TAFA1: variants seen among roughly 807,000 people sequenced by gnomAD.
TAFA1 encodes chemokine-like protein TAFA-1.
TAFA1 carries 4 observed loss-of-function variants against 18.5 expected under a neutral mutation model. The ratio of observed to expected loss-of-function variants is 0.22; its 90% CI spans 0.11 to 0.49. The LOEUF is 0.49. Ranked by LOEUF, TAFA1 falls within the 20% of genes least tolerant of loss-of-function variation. TAFA1 has a pLI of 0.98. For missense variants in TAFA1, 147 were observed against 169.0 expected (o/e 0.87, Z 0.72); for synonymous variants, 56 against 55.2 (o/e 1.01, Z -0.06).
intron 4 of TAFA1, among the ~76,000 whole-genome samples, chr3:68,540,246 A>G (rs749482464): frequency 5.3e-5 from 8 of 151,996 alleles, no homozygotes; most frequent in East Asian, 1.9e-4. Context: ...ATGGCTATAC[A>G]TTTCCGGCTT....
At chr3:68,317,731 A>AG (rs919611513) in intron 2 of TAFA1, among the ~76,000 whole-genome samples, 1 of 152,216 alleles carries the variant, frequency 6.6e-6, no homozygotes, top group African/African-American at 2.4e-5. Context: ...TTCAAAAAGT[A>AG]GGGGGGAAAG....
At chr3:68,096,673 CCTGTACT>C (rs2065090892) in intron 2 of TAFA1, among the ~76,000 whole-genome samples, 2 of 152,060 alleles carry the variant, frequency 1.3e-5, no homozygotes, top group South Asian at 4.1e-4. Flanking sequence ...GACAACAAAG[CCTGTACT>C]CTTAAATTAC....
intron 2 of TAFA1, among the ~76,000 whole-genome samples, chr3:68,156,946 G>A (rs989271635): frequency 9.9e-5 from 15 of 152,080 alleles, no homozygotes; most frequent in African/African-American, 1.7e-4. Context: ...TAATTCTGTC[G>A]CCAATAACCA....
At chr3:68,078,971 T>C (rs2064861687) in intron 2 of TAFA1, among the ~76,000 whole-genome samples, 2 of 152,330 alleles carry the variant, frequency 1.3e-5, no homozygotes, top group South Asian at 4.1e-4. Flanking sequence ...AGCTATTGAT[T>C]GTTGCCACAA....
chr3:68,049,651 AG>A (rs2064441128), intron 2 of TAFA1, among the ~76,000 whole-genome samples: 1 of 151,736 alleles, frequency 6.6e-6, no homozygotes, highest in Non-Finnish European at 1.5e-5. Context: ...GTGGAGCACA[AG>A]CAAAGGAGGT....
At chr3:68,161,086 T>C (rs1419289677) in intron 2 of TAFA1, among the ~76,000 whole-genome samples, 1 of 152,232 alleles carries the variant, frequency 6.6e-6, no homozygotes, top group Non-Finnish European at 1.5e-5. Flanking sequence ...ACTATACATA[T>C]ATGTAATGTT....
At chr3:68,094,388 T>C (rs1051090608) in intron 2 of TAFA1, among the ~76,000 whole-genome samples, 1 of 152,130 alleles carries the variant, frequency 6.6e-6, no homozygotes, top group African/African-American at 2.4e-5. Flanking sequence ...GCAGGGCTCT[T>C]AGTCTATTAT....
intron 2 of TAFA1, among the ~76,000 whole-genome samples, chr3:68,328,137 C>A (rs900848442): frequency 1.3e-5 from 2 of 152,094 alleles, no homozygotes; most frequent in South Asian, 2.1e-4. Context: ...TCATTTTTCT[C>A]ATTTTGCAAA....
At chr3:68,344,123 G>A (rs187705622) in intron 2 of TAFA1, among the ~76,000 whole-genome samples, 6 of 152,254 alleles carry the variant, frequency 3.9e-5, no homozygotes, top group East Asian at 1.9e-4. Context: ...GATTACAGGC[G>A]TGGGCCACAA....
intron 2 of TAFA1, among the ~76,000 whole-genome samples, chr3:68,351,549 GA>G (rs2069270522): frequency 6.6e-6 from 1 of 152,000 alleles, no homozygotes; most frequent in Non-Finnish European, 1.5e-5. Context: ...ATTCATGGGG[GA>G]CACTCGGAGT....
intron 2 of TAFA1, among the ~76,000 whole-genome samples, chr3:68,164,810 T>G (rs556711814): frequency 2.7e-4 from 41 of 152,318 alleles, no homozygotes; most frequent in Middle Eastern, 6.8e-3. Context: ...CTGAATTTAT[T>G]CCTTTCTCTC....
At chr3:68,428,684 A>T (rs1055090197) in intron 3 of TAFA1, among the ~76,000 whole-genome samples, 4 of 151,884 alleles carry the variant, frequency 2.6e-5, no homozygotes, top group African/African-American at 7.2e-5. Context: ...ATTACTTGGT[A>T]TTTTCATTAT....
chr3:68,093,445 G>C (rs1214811613), intron 2 of TAFA1, among the ~76,000 whole-genome samples: 1 of 152,054 alleles, frequency 6.6e-6, no homozygotes, highest in Admixed American at 6.6e-5. Context: ...CCCATGGCAG[G>C]CCCTTCTTGG....
At chr3:68,538,613 A>G (rs1001246522) in intron 3 of TAFA1, 143 bp from the exon 4 acceptor site, 1 of 688,998 alleles carries the variant, frequency 1.5e-6, no homozygotes, top group Non-Finnish European at 2.4e-6. Context: ...TATTTTTTTA[A>G]TAGAGCTTTC....
chr3:68,070,652 T>G, intron 2 of TAFA1, among the ~76,000 whole-genome samples: 1 of 152,236 alleles, frequency 6.6e-6, no homozygotes, highest in East Asian at 1.9e-4. Context: ...TTTTCTGAAC[T>G]TTTATGCTCT....
In TAFA1 at chr3:68,510,767, C is replaced by T. The variant is rs180756779; in HGVS notation, c.260-27989C>T. ...TTTGACTCCCAATTCAATTTCTTCC[C>T]ACTGTCTCTTTTGCATAGTAAAGGT... On this transcript the variant is annotated intron_variant, in intron 3 of 4. Coordinates refer to ENST00000478136, the MANE Select transcript of TAFA1 (RefSeq NM_213609.4). Among the ~76,000 whole-genome samples the T allele has an allele frequency of 1.4e-3, 207 of 152,182 alleles. 3 individuals carry two copies. The highest frequency in any genetic ancestry group is 4.7e-3 in the African/African-American group (197 of 41,530).
chr3:68,270,989 T>C (rs1224668961), intron 2 of TAFA1, among the ~76,000 whole-genome samples: 1 of 152,108 alleles, frequency 6.6e-6, no homozygotes, highest in Non-Finnish European at 1.5e-5. Context: ...TGGAAAATGA[T>C]AGAAACCCAA....
intron 3 of TAFA1, among the ~76,000 whole-genome samples, chr3:68,450,269 G>T (rs549920290): frequency 2.0e-5 from 3 of 152,214 alleles, no homozygotes; most frequent in Non-Finnish European, 2.9e-5. Flanking sequence ...TCAACTAAAA[G>T]ACTAGGAAAG....
At chr3:68,143,128 T>C (rs2065690846) in intron 2 of TAFA1, among the ~76,000 whole-genome samples, 1 of 152,166 alleles carries the variant, frequency 6.6e-6, no homozygotes, top group African/African-American at 2.4e-5. Context: ...CATCTTGCTA[T>C]TTTTACATAA....
Sources: allele counts gnomAD v4.1 joint callset (sites outside exome capture counted in the v4.1 genomes callset), GRCh38; gene constraint gnomAD v4.1.1; transcripts MANE v1.5; gene names NCBI Gene and HGNC (gene_info 2026-07-23, HGNC 2026-07-21).